ZDHHC3: variants seen among roughly 807,000 people sequenced by gnomAD.
The protein encoded by ZDHHC3 is zDHHC palmitoyltransferase 3, also known as palmitoyltransferase ZDHHC3.
A neutral mutation model predicts 30.6 loss-of-function variants in ZDHHC3; 9 were observed. The ratio of observed to expected loss-of-function variants is 0.29; its 90% CI spans 0.18 to 0.51. The LOEUF is 0.51. Ranked by LOEUF, ZDHHC3 falls within the 20% of genes least tolerant of loss-of-function variation. The pLI, the probability that ZDHHC3 is intolerant of heterozygous loss-of-function variation, is 0.97. For synonymous variants in ZDHHC3, 136 were observed against 140.2 expected (o/e 0.97, Z 0.21); for missense variants, 246 against 384.2 (o/e 0.64, Z 3.01).
In ZDHHC3 at chr3:44,924,244, T is replaced by C. The variant is rs1700814762; in HGVS notation, c.*2445A>G. On this transcript the variant is annotated 3_prime_UTR_variant, in exon 7 of 7. Transcript: ENST00000424952. Reference sequence around the variant, plus strand: ...ATACTGAGGAGAGCTCAGGGATGCTTTCCCTTCCTGTCCTGTGTGGAAGCC... The same window carrying C: ...ATACTGAGGAGAGCTCAGGGATGCTCTCCCTTCCTGTCCTGTGTGGAAGCC... 1.0e-6 allele frequency: 1 copy of C among 985,458 alleles called. No homozygotes were observed. 61.0% of individuals were successfully genotyped at this position (985,458 alleles called of 1,614,324 possible).
rs1701004992 is a variant in ZDHHC3 at position 44,926,529 on chromosome 3, T to C, written c.*160A>G. On this transcript the variant is annotated 3_prime_UTR_variant, in exon 7 of 7. Coordinates refer to ENST00000424952, the MANE Select transcript of ZDHHC3 (RefSeq NM_001135179.2). ...TTTTAAAAAATAAAATGTGGGGACT[T>C]TTTTTTTTCTCTGCAATGCTCAGCC... The C allele has an allele frequency of 8.0e-7, 1 of 1,257,382 alleles. No homozygotes were observed. The highest frequency in any genetic ancestry group is 3.1e-5 in the East Asian group (1 of 32,144). The allele number at this position is 1,257,382 out of a possible 1,614,324, so 77.9% of individuals were successfully genotyped here. A position where few individuals can be genotyped will look rare whatever the true frequency, so the allele number is the denominator to read the frequency against.
chr3:44,923,080 T>C lies in ZDHHC3; in HGVS notation c.*3609A>G, dbSNP rs960669081. ...ACCTCACATACATGTTTAAAATGTT[T>C]GTTTTTTTTTTTTGAGACGGAGTCT... On this transcript the variant is annotated 3_prime_UTR_variant, in exon 7 of 7. Coordinates refer to ENST00000424952, the MANE Select transcript of ZDHHC3 (RefSeq NM_001135179.2). 1 of 936,292 alleles carries C rather than the reference T, an allele frequency of 1.1e-6. No individual in the cohort carries two copies. Among genetic ancestry groups the C allele is most frequent in the Non-Finnish European group, 1.2e-6 (1 of 813,310 alleles). 58.0% of individuals were successfully genotyped at this position (936,292 alleles called of 1,614,324 possible). A position where few individuals can be genotyped will look rare whatever the true frequency, so the allele number is the denominator to read the frequency against.
intron 2 of ZDHHC3, among the ~76,000 whole-genome samples, chr3:44,957,790 C>T (rs1704081897): frequency 6.6e-6 from 1 of 152,242 alleles, no homozygotes; most frequent in Admixed American, 6.5e-5. Flanking sequence ...GCCAAACCTT[C>T]ATCACACAGG....
intron 4 of ZDHHC3, chr3:44,933,439 C>A (rs902313121): frequency 3.2e-5 from 19 of 588,538 alleles, no homozygotes; most frequent in Non-Finnish European, 9.1e-6. Flanking sequence ...AAGCCCGTCA[C>A]CAGGCATGAC....
At position 44,924,009 on chromosome 3, in the gene ZDHHC3, G is replaced by C; in HGVS notation, c.*2680C>G. ...GAACACAAACCTGACAGAGTTGACA[G>C]AAGGAAAGCAAGCTGGGGATCACAA... On this transcript the variant is annotated 3_prime_UTR_variant, in exon 7 of 7. Coordinates refer to ENST00000424952, the MANE Select transcript of ZDHHC3 (RefSeq NM_001135179.2). 2.0e-6 allele frequency: 2 copies of C among 985,428 alleles called. No homozygotes were observed. The highest frequency in any genetic ancestry group is 2.3e-4 in the East Asian group (2 of 8,808). 61.0% of individuals were successfully genotyped at this position (985,428 alleles called of 1,614,324 possible). A position where few individuals can be genotyped will look rare whatever the true frequency, so the allele number is the denominator to read the frequency against.
At chr3:44,940,606 T>C (rs911135148) in intron 3 of ZDHHC3, among the ~76,000 whole-genome samples, 3 of 152,218 alleles carry the variant, frequency 2.0e-5, no homozygotes, top group Non-Finnish European at 4.4e-5. Flanking sequence ...TGGAGGTATC[T>C]GCATCCTGGC....
At position 44,916,305 on chromosome 3, in the gene ZDHHC3, GGC is replaced by G. The variant is rs1256447292; in HGVS notation, c.*10382_*10383del. 6.6e-6 allele frequency: 1 copy of G among 152,266 alleles called. No homozygotes were observed. Among genetic ancestry groups the G allele is most frequent in the African/African-American group, 2.4e-5 (1 of 41,448 alleles). 9.4% of individuals were successfully genotyped at this position (152,266 alleles called of 1,614,324 possible). On this transcript the variant is annotated 3_prime_UTR_variant, in exon 7 of 7. Transcript: ENST00000424952. ...CATCAGTTGTAGAGAGACGGTCTCT[GGC>G]AGGATCGTTGCCCTTCACAGAGTGT...
chr3:44,941,659 G>A (rs188582033), intron 3 of ZDHHC3, among the ~76,000 whole-genome samples: 3 of 151,942 alleles, frequency 2.0e-5, no homozygotes, highest in African/African-American at 7.2e-5. Flanking sequence ...GAACCTAGCA[G>A]GAGTGTCTAA....
At chr3:44,948,321 C>G (rs1335035376) in intron 2 of ZDHHC3, among the ~76,000 whole-genome samples, 1 of 152,110 alleles carries the variant, frequency 6.6e-6, no homozygotes, top group African/African-American at 2.4e-5. Flanking sequence ...TAAAAGAATT[C>G]TGGGAAGGGA....
chr3:44,920,014 C>T lies in ZDHHC3; in HGVS notation c.*6675G>A. 2 of 1,172,880 alleles carry T rather than the reference C, an allele frequency of 1.7e-6. No individual in the cohort carries two copies. Among genetic ancestry groups the T allele is most frequent in the African/African-American group, 1.6e-5 (1 of 62,490 alleles). 72.7% of individuals were successfully genotyped at this position (1,172,880 alleles called of 1,614,324 possible). A position where few individuals can be genotyped will look rare whatever the true frequency, so the allele number is the denominator to read the frequency against. On this transcript the variant is annotated 3_prime_UTR_variant, in exon 7 of 7. Coordinates refer to ENST00000424952, the MANE Select transcript of ZDHHC3 (RefSeq NM_001135179.2). ...GATGGTTTAATATGGTTTTACATGA[C>T]ATTAGAACATTTGTCTGAGTGGTTA...
chr3:44,961,017 T>C (rs777861999), intron 1 of ZDHHC3, among the ~76,000 whole-genome samples: 6 of 152,234 alleles, frequency 3.9e-5, no homozygotes, highest in Admixed American at 1.3e-4. Flanking sequence ...CTATTACGTA[T>C]TTGCCCAAAG....
chr3:44,948,452 G>C (rs758965438), intron 2 of ZDHHC3, among the ~76,000 whole-genome samples: 1 of 152,044 alleles, frequency 6.6e-6, no homozygotes, highest in Non-Finnish European at 1.5e-5. Context: ...AAACTGCAGA[G>C]ACAAGTCAAC....
In ZDHHC3 at chr3:44,918,466, G is replaced by A; in HGVS notation, c.*8223C>T. 3 of 985,412 alleles carry A rather than the reference G, an allele frequency of 3.0e-6. No individual in the cohort carries two copies. The highest frequency in any genetic ancestry group is 3.6e-6 in the Non-Finnish European group (3 of 829,934). 61.0% of individuals were successfully genotyped at this position (985,412 alleles called of 1,614,324 possible). A position where few individuals can be genotyped will look rare whatever the true frequency, so the allele number is the denominator to read the frequency against. ...AAGTGCAATGCCAGATGATGGGCAGGGGCTAGGCTGATGAGTGGCTGAGGC... is the reference window on the plus strand; with the variant it reads ...AAGTGCAATGCCAGATGATGGGCAGAGGCTAGGCTGATGAGTGGCTGAGGC... On this transcript the variant is annotated 3_prime_UTR_variant, in exon 7 of 7. Transcript: ENST00000424952.
rs1172712973 is a variant in ZDHHC3 at position 44,917,231 on chromosome 3, T to A, written c.*9458A>T. The A allele has an allele frequency of 6.5e-6, 1 of 154,416 alleles. No homozygotes were observed. The highest frequency in any genetic ancestry group is 2.4e-5 in the African/African-American group (1 of 41,452). The allele number at this position is 154,416 out of a possible 1,614,324, so 9.6% of individuals were successfully genotyped here. On this transcript the variant is annotated 3_prime_UTR_variant, in exon 7 of 7. Coordinates refer to ENST00000424952, the MANE Select transcript of ZDHHC3 (RefSeq NM_001135179.2). ...ACTCTGGCTCTGTCCATGCTGGACA[T>A]GTCCTGCACATGTGTGTGTAGAGCT...
chr3:44,934,213 C>T (rs1012036413), intron 3 of ZDHHC3, among the ~76,000 whole-genome samples: 10 of 152,136 alleles, frequency 6.6e-5, no homozygotes, highest in Non-Finnish European at 1.5e-4. Context: ...AGCCCCTTAG[C>T]TTAACACATA....
At chr3:44,954,065 T>C (rs1411401714) in intron 2 of ZDHHC3, among the ~76,000 whole-genome samples, 2 of 152,162 alleles carry the variant, frequency 1.3e-5, no homozygotes, top group African/African-American at 4.8e-5. Flanking sequence ...GGAATACCAA[T>C]TGCATGTTTG....
intron 3 of ZDHHC3, among the ~76,000 whole-genome samples, chr3:44,936,713 C>G (rs1021687224): frequency 6.6e-6 from 1 of 152,138 alleles, no homozygotes; most frequent in Non-Finnish European, 1.5e-5. Flanking sequence ...TGGGGTCTAC[C>G]TGAAGGTGGA....
At chr3:44,946,867 G>T (rs1201685714) in intron 2 of ZDHHC3, among the ~76,000 whole-genome samples, 1 of 152,190 alleles carries the variant, frequency 6.6e-6, no homozygotes, top group Admixed American at 6.5e-5. Flanking sequence ...ACCAGGTTGG[G>T]ATGGGATTTT....
At chr3:44,974,651 C>A (rs1397328705) in intron 1 of ZDHHC3, among the ~76,000 whole-genome samples, 1 of 152,192 alleles carries the variant, frequency 6.6e-6, no homozygotes, top group Non-Finnish European at 1.5e-5. Context: ...TTTCAGTTTC[C>A]CTGGAAGGCA....
Sources: gnomAD v4.1 joint callset for allele counts (sites outside exome capture counted in the v4.1 genomes callset) on GRCh38, gnomAD v4.1.1 for gene constraint, MANE v1.5 for transcripts, NCBI Gene and HGNC (gene_info 2026-07-23, HGNC 2026-07-21) for gene names.